Variants in KCNK1 observed in about 807,000 individuals in gnomAD.
KCNK1 encodes the protein potassium two pore domain channel subfamily K member 1.
KCNK1 carries 10 observed loss-of-function variants against 22.2 expected under a neutral mutation model. That is an observed-to-expected ratio of 0.45 (90% confidence interval 0.28 to 0.76). The LOEUF is 0.76. Among genes scored for constraint, KCNK1 ranks in the 30% least tolerant of loss-of-function variants. The pLI, the probability that KCNK1 is intolerant of heterozygous loss-of-function variation, is 0.14. For missense variants in KCNK1, 378 were observed against 421.0 expected, an observed-to-expected ratio of 0.90 and a Z score of 0.89; for synonymous variants, 200 against 186.4, an observed-to-expected ratio of 1.07 and a Z score of -0.60.
intron 1 of KCNK1, among the ~76,000 whole-genome samples, chr1:233,628,176 A>T (rs915385048): frequency 6.6e-6 from 1 of 152,154 alleles, no homozygotes; most frequent in Admixed American, 6.5e-5. Flanking sequence ...CCTCATAACC[A>T]TCACTGGCTT....
intron 1 of KCNK1, among the ~76,000 whole-genome samples, chr1:233,617,937 G>GA (rs990901063): frequency 1.3e-5 from 2 of 150,574 alleles, no homozygotes; most frequent in African/African-American, 2.4e-5. Flanking sequence ...CTTGGAGGGG[G>GA]AAAAAAAAAG....
intron 1 of KCNK1, among the ~76,000 whole-genome samples, chr1:233,665,586 C>T (rs1449795561): frequency 1.5e-5 from 1 of 64,860 alleles, no homozygotes; most frequent in African/African-American, 5.1e-5. Context: ...GTTAACAAAC[C>T]AGTCAAGGGA....
At chr1:233,657,205 G>A (rs1003199212) in intron 1 of KCNK1, among the ~76,000 whole-genome samples, 1 of 152,120 alleles carries the variant, frequency 6.6e-6, no homozygotes, top group East Asian at 1.9e-4. Context: ...ACCTTTTCAC[G>A]AGAGCTGCTT....
intron 1 of KCNK1, chr1:233,637,418 T>C (rs1657918433): frequency 6.6e-6 from 1 of 152,154 alleles, no homozygotes; most frequent in Non-Finnish European, 1.5e-5. Context: ...CATCCATTTC[T>C]TCAGTAAGGT....
intron 1 of KCNK1, among the ~76,000 whole-genome samples, chr1:233,644,251 C>T (rs1658051637): frequency 6.6e-6 from 1 of 152,196 alleles, no homozygotes; most frequent in Non-Finnish European, 1.5e-5. Context: ...GGCTTACACA[C>T]CACCCAGAAG....
intron 1 of KCNK1, among the ~76,000 whole-genome samples, chr1:233,644,695 G>A (rs1217487354): frequency 6.6e-6 from 1 of 152,040 alleles, no homozygotes; most frequent in Non-Finnish European, 1.5e-5. Flanking sequence ...GAGTGCAAAG[G>A]CCCTGAGCTA....
chr1:233,632,295 T>C (rs987045519), intron 1 of KCNK1, among the ~76,000 whole-genome samples: 10 of 152,136 alleles, frequency 6.6e-5, no homozygotes, highest in African/African-American at 1.9e-4. Context: ...CTCTTTTTTT[T>C]CTCCCTAAAA....
rs1378241929 is a variant in KCNK1, at chr1:233,614,627, C to T, written c.355+101C>T. On this transcript the variant is annotated intron_variant, in intron 1 of 2. Coordinates refer to ENST00000366621, the MANE Select transcript of KCNK1 (RefSeq NM_002245.4). Reference sequence around the variant, plus strand: ...GGGCCCCTCTAACCCTCCCACCCCACCCCCCACCTTTCGCCATCCCGGCTC... The same window carrying T: ...GGGCCCCTCTAACCCTCCCACCCCATCCCCCACCTTTCGCCATCCCGGCTC... 11 of 880,108 alleles carry T rather than the reference C, an allele frequency of 1.2e-5. No individual in the cohort carries two copies. In the Admixed American group the frequency reaches 1.8e-4, roughly 14 times the overall value. The allele number at this position is 880,108 out of a possible 1,614,324, so 54.5% of individuals were successfully genotyped here.
intron 1 of KCNK1, among the ~76,000 whole-genome samples, chr1:233,646,479 C>T (rs1319763322): frequency 6.6e-6 from 1 of 152,066 alleles, no homozygotes; most frequent in East Asian, 1.9e-4. Flanking sequence ...CACAGGTAGA[C>T]CAGACTGATC....
At chr1:233,664,120 G>A (rs984577475) in intron 1 of KCNK1, among the ~76,000 whole-genome samples, 1 of 152,024 alleles carries the variant, frequency 6.6e-6, no homozygotes, top group Non-Finnish European at 1.5e-5. Context: ...GTGAGCCACC[G>A]TGCCCGGCCT....
At chr1:233,650,993 G>A (rs935146491) in intron 1 of KCNK1, among the ~76,000 whole-genome samples, 1 of 152,076 alleles carries the variant, frequency 6.6e-6, no homozygotes, top group South Asian at 2.1e-4. Flanking sequence ...CAGGGTTCCC[G>A]CATCCCTTTA....
At chr1:233,651,322 A>G (rs1415171966) in intron 1 of KCNK1, among the ~76,000 whole-genome samples, 1 of 152,242 alleles carries the variant, frequency 6.6e-6, no homozygotes, top group East Asian at 1.9e-4. Flanking sequence ...AAAAGGCTTT[A>G]CAGTATAATA....
intron 1 of KCNK1, chr1:233,624,296 G>T (rs1321358680): frequency 6.6e-6 from 1 of 152,526 alleles, no homozygotes; most frequent in African/African-American, 2.4e-5. Context: ...GATGCGCTGA[G>T]CCAGGCACAC....
chr1:233,637,170 T>G (rs1571894964), intron 1 of KCNK1: 1 of 124,464 alleles, frequency 8.0e-6, no homozygotes, highest in African/African-American at 3.1e-5. Context: ...CACTCCAGCC[T>G]GGGCGACAGA....
In KCNK1 at chr1:233,671,603, T is replaced by G. The variant is rs1658600128; in HGVS notation, c.*73T>G. 1 of 1,548,466 alleles carries G rather than the reference T, an allele frequency of 6.5e-7. No homozygotes were observed. On this transcript the variant is annotated 3_prime_UTR_variant, in exon 3 of 3. Coordinates refer to ENST00000366621, the MANE Select transcript of KCNK1 (RefSeq NM_002245.4). ...GGAAGAGGCTTAAGTATGTTCATTT[T>G]TATCAGAATGCAAAAGCGAAAATTA...
chr1:233,634,562 G>A (rs1032636786), intron 1 of KCNK1, among the ~76,000 whole-genome samples: 1 of 152,192 alleles, frequency 6.6e-6, no homozygotes, highest in African/African-American at 2.4e-5. Flanking sequence ...TGCTCAGACA[G>A]TCCCGGATGG....
chr1:233,628,343 A>T (rs1483163960), intron 1 of KCNK1, among the ~76,000 whole-genome samples: 1 of 152,226 alleles, frequency 6.6e-6, no homozygotes, highest in Non-Finnish European at 1.5e-5. Flanking sequence ...TACCCATTGG[A>T]TACTATGTTC....
chr1:233,629,833 C>G (rs1304924149), intron 1 of KCNK1: 1 of 152,206 alleles, frequency 6.6e-6, no homozygotes, highest in Non-Finnish European at 1.5e-5. Flanking sequence ...CTCATTGGTT[C>G]TGGGGCACGG....
intron 1 of KCNK1, among the ~76,000 whole-genome samples, chr1:233,651,798 A>AG (rs1176880298): frequency 6.6e-6 from 1 of 152,224 alleles, no homozygotes; most frequent in Non-Finnish European, 1.5e-5. Context: ...AATGCATGGC[A>AG]GCAGGAGCTG....
Sources: allele counts gnomAD v4.1 joint callset (sites outside exome capture counted in the v4.1 genomes callset), GRCh38; gene constraint gnomAD v4.1.1; transcripts MANE v1.5; gene names NCBI Gene and HGNC (gene_info 2026-07-23, HGNC 2026-07-21).